The following DNAH6 variants were observed in gnomAD, a reference collection of about 807,000 sequenced individuals.
DNAH6 encodes dynein axonemal heavy chain 6, also known as axonemal beta dynein heavy chain 6.
A neutral mutation model predicts 491.4 loss-of-function variants in DNAH6; 340 were observed. The observed-to-expected ratio is 0.69, with a 90% CI of 0.63 to 0.76. DNAH6 has a LOEUF of 0.76. Ranked by LOEUF, DNAH6 falls within the 30% of genes least tolerant of loss-of-function variation. The probability of loss-of-function intolerance (pLI) is 0.00; values close to 1 mark genes in which losing one functional copy is unlikely to be tolerated. For missense variants in DNAH6, 4,443 were observed against 4,972.2 expected (o/e 0.89, Z 3.20); for synonymous variants, 1,603 against 1,686.1 (o/e 0.95, Z 1.21).
At chr2:84,496,071 G>A in the DNAH6 span, among the ~76,000 whole-genome samples, 6 of 152,286 alleles carry the variant, frequency 3.9e-5, no homozygotes, top group Admixed American at 3.9e-4. Context: ...CTGCTTCAGA[G>A]AGGAAATAGA....
intron 63 of DNAH6, among the ~76,000 whole-genome samples, chr2:84,756,889 A>G (rs776948233): frequency 1.4e-4 from 21 of 152,246 alleles, no homozygotes; most frequent in Non-Finnish European, 2.5e-4. Flanking sequence ...AAATCTAAAA[A>G]GAGGGTTTTA....
At chr2:84,574,150 T>G (rs1682187821) in intron 12 of DNAH6, among the ~76,000 whole-genome samples, 1 of 152,290 alleles carries the variant, frequency 6.6e-6, no homozygotes. Flanking sequence ...TATATTTGTT[T>G]GCTATTTTAA....
intron 61 of DNAH6, 150 bp from the exon 62 acceptor site, chr2:84,733,294 A>G (rs1468907132): frequency 1.6e-6 from 1 of 644,586 alleles, no homozygotes; most frequent in African/African-American, 1.8e-5. Flanking sequence ...TTGATTCAAC[A>G]CCATTTCTAT....
At chr2:84,552,570 A>G (rs980312936) in intron 9 of DNAH6, among the ~76,000 whole-genome samples, 2 of 152,178 alleles carry the variant, frequency 1.3e-5, no homozygotes, top group South Asian at 4.1e-4. Context: ...ATTCATTAAT[A>G]TATTATTGGC....
chr2:84,754,643 T>A (rs1184383655), intron 63 of DNAH6, among the ~76,000 whole-genome samples: 1 of 152,246 alleles, frequency 6.6e-6, no homozygotes, highest in Non-Finnish European at 1.5e-5. Context: ...TTAGCCTATA[T>A]GTCTATCCTT....
chr2:84,529,543 T>A (rs1676953668), intron 4 of DNAH6, among the ~76,000 whole-genome samples: 1 of 45,092 alleles, frequency 2.2e-5, no homozygotes, highest in South Asian at 9.4e-4. Context: ...CTTTATAGAG[T>A]AGAAATAAGG....
chr2:84,692,444 GATAGA>G (rs1694956912), intron 45 of DNAH6, among the ~76,000 whole-genome samples: 1 of 149,860 alleles, frequency 6.7e-6, no homozygotes, highest in Non-Finnish European at 1.5e-5. Context: ...TAGATAGATA[GATAGA>G]TAGATAGATA....
At chr2:84,739,909 G>C (rs1672347483) in intron 62 of DNAH6, among the ~76,000 whole-genome samples, 1 of 151,980 alleles carries the variant, frequency 6.6e-6, no homozygotes, top group Non-Finnish European at 1.5e-5. Flanking sequence ...AGGATCCATT[G>C]CTTGGGAGCT....
At chr2:84,719,439 C>T (rs1393179396) in intron 59 of DNAH6, among the ~76,000 whole-genome samples, 2 of 152,138 alleles carry the variant, frequency 1.3e-5, no homozygotes, top group Non-Finnish European at 2.9e-5. Context: ...CGTGCCTTCT[C>T]TTCCCACCAG....
Position 84,566,517 on chromosome 2 carries a change from C to G in DNAH6, c.1804-6950C>G, listed in dbSNP as rs371783559. Among the ~76,000 whole-genome samples the G allele has an allele frequency of 8.8e-4, 134 of 152,000 alleles. 2 individuals are homozygous for G. In the South Asian group the frequency reaches 0.028, roughly 31 times the overall value. ...AACATAATAAAGATGATTTTTCTCT[C>G]TAAGTTAATTTATAATTTTAATACA... On this transcript the variant is annotated intron_variant, in intron 11 of 76. Coordinates refer to ENST00000389394, the MANE Select transcript of DNAH6 (RefSeq NM_001370.2).
chr2:84,501,121 C>T, the DNAH6 span, among the ~76,000 whole-genome samples: 1 of 152,156 alleles, frequency 6.6e-6, no homozygotes. Context: ...AGAGGAAAGG[C>T]TTTTGATTTT....
In DNAH6 at chr2:84,815,987, C is replaced by A. The variant is rs780036939; in HGVS notation, c.12277C>A (p.His4093Asn). 1.9e-6 allele frequency: 3 copies of A among 1,551,876 alleles called. No homozygotes were observed. Among genetic ancestry groups the A allele is most frequent in the South Asian group, 1.2e-5 (1 of 84,056 alleles). Residue 4093 changes from histidine to asparagine, a missense_variant, in exon 76 of 77, where the codon CAT becomes AAT. By Grantham distance (68) the His-to-Asn change is moderately conservative. Transcript: ENST00000389394. ...GATGAATCCAGTGCTGCCTGTGGTG[C>A]ATTTTGAACCACAACAAAACTATAA... Reference protein sequence around the residue: ...GQMNPVLPVVHFEPQQNYKPS... With the variant: ...GQMNPVLPVVNFEPQQNYKPS...
At chr2:84,593,064 T>G (rs1268102802) in intron 16 of DNAH6, among the ~76,000 whole-genome samples, 2 of 152,148 alleles carry the variant, frequency 1.3e-5, no homozygotes, top group African/African-American at 4.8e-5. Context: ...ACTTAAAAAT[T>G]TATTAAAAGA....
intron 37 of DNAH6, among the ~76,000 whole-genome samples, chr2:84,663,222 G>A (rs1272338250): frequency 6.6e-6 from 1 of 152,214 alleles, no homozygotes; most frequent in East Asian, 1.9e-4. Context: ...AGCAATGGAA[G>A]AAATCTGGAT....
intron 43 of DNAH6, among the ~76,000 whole-genome samples, chr2:84,685,679 G>A (rs2104753022): frequency 6.6e-6 from 1 of 152,088 alleles, no homozygotes. Context: ...AGTCGGGCAT[G>A]GTGGCTCATG....
upstream of DNAH6, chr2:84,516,458 T>G (rs902083752): frequency 9.9e-5 from 15 of 152,188 alleles, no homozygotes; most frequent in South Asian, 4.1e-4. Flanking sequence ...GCGCAGTGCT[T>G]CCGTAGAGGC....
At chr2:84,550,112 C>T in intron 9 of DNAH6, 55 bp downstream of exon 9, 1 of 1,341,284 alleles carries the variant, frequency 7.5e-7, no homozygotes, top group East Asian at 2.4e-5. Context: ...TTGAGGAGTG[C>T]AAACTACGCT....
Position 84,805,730 on chromosome 2 carries a change from A to T in DNAH6, c.11547A>T (p.Gly3849=). Residue 3849 remains glycine (G), a synonymous_variant, in exon 71 of 77, where the codon GGA becomes GGT. Transcript: ENST00000389394. ...LEVQPRSSTG[G]EGKSNDEIVQ... is the part of the protein sequence containing the mutation. ...TTCAGCCAAGGTCATCTACTGGTGG[A>T]GAGGGAAAAAGCAATGACGAAATTG... is the stretch of plus-strand genomic sequence containing the variant. 4.5e-6 allele frequency: 7 copies of T among 1,551,772 alleles called. No homozygotes were observed. The highest frequency in any genetic ancestry group is 5.2e-6 in the Non-Finnish European group (6 of 1,146,966).
chr2:84,670,744 A>C (rs1320204616), intron 39 of DNAH6, among the ~76,000 whole-genome samples: 1 of 152,192 alleles, frequency 6.6e-6, no homozygotes, highest in Non-Finnish European at 1.5e-5. Flanking sequence ...AGGTTCTTCC[A>C]ACATGCACTG....
Sources: gnomAD v4.1 joint callset for allele counts (sites outside exome capture counted in the v4.1 genomes callset) on GRCh38, gnomAD v4.1.1 for gene constraint, MANE v1.5 for transcripts, NCBI Gene and HGNC (gene_info 2026-07-23, HGNC 2026-07-21) for gene names.